The following ZEB1 variants were observed in gnomAD, a reference collection of about 807,000 sequenced individuals.
The protein encoded by ZEB1 is zinc finger E-box-binding homeobox 1.
In ZEB1, 21 loss-of-function variants were observed where a neutral mutation model predicts 84.9. That is an observed-to-expected ratio of 0.25 (90% CI 0.18 to 0.36). The LOEUF is 0.36. ZEB1 is among the 10% of genes least tolerant of loss of function. The probability of loss-of-function intolerance (pLI) is 1.00; values close to 1 mark genes in which losing one functional copy is unlikely to be tolerated. For missense variants in ZEB1, 1,104 were observed against 1,330.2 expected (o/e 0.83, Z 2.65); for synonymous variants, 420 against 471.1 (o/e 0.89, Z 1.41).
chr10:31,360,853 T>C, intron 1 of ZEB1: 2 of 889,388 alleles, frequency 2.2e-6, no homozygotes, highest in Non-Finnish European at 3.6e-6. Flanking sequence ...CATTTTGCAT[T>C]TACTAGTGCC....
chr10:31,386,374 A>G (rs536833001), intron 1 of ZEB1, among the ~76,000 whole-genome samples: 2 of 151,796 alleles, frequency 1.3e-5, no homozygotes, highest in Non-Finnish European at 2.9e-5. Context: ...AAACATCTAT[A>G]TTAGTATTAT....
chr10:31,453,190 C>A (rs1400163890), intron 1 of ZEB1, among the ~76,000 whole-genome samples: 4 of 152,066 alleles, frequency 2.6e-5, no homozygotes, highest in African/African-American at 9.7e-5. Context: ...TAAGGGTGTC[C>A]TCTGGAAAGA....
intron 1 of ZEB1, among the ~76,000 whole-genome samples, chr10:31,347,829 G>A (rs529011356): frequency 2.6e-5 from 4 of 152,082 alleles, no homozygotes; most frequent in South Asian, 2.1e-4. Flanking sequence ...GAATTATTGG[G>A]CATACCCTTT....
chr10:31,469,494 G>A (rs942203433), intron 2 of ZEB1, among the ~76,000 whole-genome samples: 16 of 151,864 alleles, frequency 1.1e-4, no homozygotes, highest in African/African-American at 2.9e-4. Context: ...CGAATATTGC[G>A]CTTTTCTGAC....
chr10:31,418,812 G>A (rs191304011), intron 1 of ZEB1, among the ~76,000 whole-genome samples: 54 of 152,166 alleles, frequency 3.5e-4, no homozygotes, highest in African/African-American at 1.2e-3. Flanking sequence ...CAGGTTGAGC[G>A]TCCCAAATCT....
intron 1 of ZEB1, among the ~76,000 whole-genome samples, chr10:31,364,497 G>A (rs549876195): frequency 6.6e-5 from 10 of 152,296 alleles, no homozygotes; most frequent in East Asian, 3.9e-4. Flanking sequence ...CAGCCAGATC[G>A]CGCCAGGCTT....
At chr10:31,336,105 C>G (rs965830892) in intron 1 of ZEB1, among the ~76,000 whole-genome samples, 2 of 152,114 alleles carry the variant, frequency 1.3e-5, no homozygotes, top group Non-Finnish European at 2.9e-5. Flanking sequence ...TAAAAGGAGA[C>G]TTGAACATTG....
At chr10:31,343,175 A>G (rs1332625014) in intron 1 of ZEB1, among the ~76,000 whole-genome samples, 1 of 151,978 alleles carries the variant, frequency 6.6e-6, no homozygotes, top group African/African-American at 2.4e-5. Context: ...AGCTCTTGAG[A>G]GCTTTCTATG....
intron 1 of ZEB1, chr10:31,363,283 T>C: frequency 1.3e-6 from 2 of 1,530,452 alleles, no homozygotes; most frequent in Non-Finnish European, 1.7e-6. Context: ...TGGAAGTGGG[T>C]CAGGCTTCCC....
chr10:31,415,433 G>A (rs971186235), intron 1 of ZEB1, among the ~76,000 whole-genome samples: 1 of 151,854 alleles, frequency 6.6e-6, no homozygotes, highest in African/African-American at 2.4e-5. Context: ...ATTATCTATG[G>A]GTGGTGGAAT....
chr10:31,409,355 A>G (rs955770447), intron 1 of ZEB1, among the ~76,000 whole-genome samples: 1 of 151,976 alleles, frequency 6.6e-6, no homozygotes, highest in African/African-American at 2.4e-5. Flanking sequence ...TCAGGGATCT[A>G]GAACTAGAAA....
At chr10:31,467,086 G>T (rs2062527731) in intron 2 of ZEB1, among the ~76,000 whole-genome samples, 1 of 152,120 alleles carries the variant, frequency 6.6e-6, no homozygotes, top group Non-Finnish European at 1.5e-5. Context: ...AACACTGCTG[G>T]CTCAGTATTG....
chr10:31,438,665 G>A (rs918027024), intron 1 of ZEB1, among the ~76,000 whole-genome samples: 2 of 152,142 alleles, frequency 1.3e-5, no homozygotes, highest in Admixed American at 6.5e-5. Flanking sequence ...GTGAGACCCT[G>A]TCTCTATAAA....
chr10:31,474,762 G>A (rs1414760047), intron 2 of ZEB1, among the ~76,000 whole-genome samples: 1 of 152,022 alleles, frequency 6.6e-6, no homozygotes, highest in East Asian at 1.9e-4. Context: ...ACATGCACAC[G>A]TATGTTTATT....
chr10:31,514,504 A>G (rs2070715020), intron 5 of ZEB1, 99 bp from the exon 6 acceptor site: 2 of 1,049,130 alleles, frequency 1.9e-6, no homozygotes, highest in African/African-American at 1.6e-5. Context: ...AAACAAAACA[A>G]CCATCAGGCT....
chr10:31,425,549 A>C (rs535733325), intron 1 of ZEB1, among the ~76,000 whole-genome samples: 16 of 152,228 alleles, frequency 1.1e-4, no homozygotes, highest in African/African-American at 3.8e-4. Context: ...AAACCTGAGA[A>C]ATTCTTTATA....
intron 1 of ZEB1, chr10:31,373,217 G>A (rs1168983344): frequency 1.0e-6 from 1 of 970,756 alleles, no homozygotes; most frequent in Admixed American, 6.2e-5. Flanking sequence ...GTGTGTGTGT[G>A]TAAAGCCTAC....
chr10:31,449,072 G>T (rs1173761569), intron 1 of ZEB1, among the ~76,000 whole-genome samples: 13 of 152,240 alleles, frequency 8.5e-5, no homozygotes, highest in Admixed American at 8.5e-4. Context: ...GAGACTCCGT[G>T]GGCGTAGGAC....
rs548615284 is a variant in ZEB1 at position 31,331,081 on chromosome 10, CTTTTT to C, written c.58+11811_58+11815del. Among the ~76,000 whole-genome samples the C allele has an allele frequency of 2.3e-3, 177 of 77,836 alleles. 1 individual carries two copies. Among genetic ancestry groups the C allele is most frequent in the Middle Eastern group, 0.01 (1 of 96 alleles). The allele number at this position is 77,836 out of a possible 152,430, so 51.1% of individuals were successfully genotyped here. ...ATTTTCTTTTCTTTTTTCTTTCTTT[CTTTTT>C]TTTTTTTTTTTTTTTTTTTTTGAGA... On this transcript the variant is annotated intron_variant, in intron 1 of 8. Transcript: ENST00000424869.
Sources: allele counts gnomAD v4.1 joint callset (sites outside exome capture counted in the v4.1 genomes callset), GRCh38; gene constraint gnomAD v4.1.1; transcripts MANE v1.5; gene names NCBI Gene and HGNC (gene_info 2026-07-23, HGNC 2026-07-21).